SLC13A3: variants seen among roughly 807,000 people sequenced by gnomAD.
The protein encoded by SLC13A3 is Na(+)/dicarboxylate cotransporter 3.
Under a neutral mutation model 59.0 loss-of-function variants are expected in SLC13A3, and 40 were observed. That is an observed-to-expected ratio of 0.68 (90% CI 0.53 to 0.88). The LOEUF (loss-of-function observed/expected upper bound fraction) is 0.88. Ranked by LOEUF, SLC13A3 falls within the 40% of genes least tolerant of loss-of-function variation. SLC13A3 has a pLI of 0.00. For synonymous variants in SLC13A3, 317 were observed against 330.3 expected (o/e 0.96, Z 0.44); for missense variants, 699 against 783.2 (o/e 0.89, Z 1.28).
chr20:46,672,065 C>T (rs950326634), upstream of SLC13A3, among the ~76,000 whole-genome samples: 11 of 152,188 alleles, frequency 7.2e-5, no homozygotes, highest in Non-Finnish European at 1.6e-4. Context: ...GAATTATGGC[C>T]AGTTCCCAGT....
chr20:46,575,933 C>T (rs981284866), intron 9 of SLC13A3, among the ~76,000 whole-genome samples: 1 of 152,184 alleles, frequency 6.6e-6, no homozygotes, highest in Non-Finnish European at 1.5e-5. Flanking sequence ...ACTCCACATG[C>T]AGGACATCAC....
At chr20:46,628,507 C>T (rs1301048372) in intron 1 of SLC13A3, among the ~76,000 whole-genome samples, 1 of 152,118 alleles carries the variant, frequency 6.6e-6, no homozygotes, top group African/African-American at 2.4e-5. Context: ...ACAGGTGCCA[C>T]AGGGAAGGAG....
chr20:46,635,741 G>A (rs1830565536), intron 1 of SLC13A3, among the ~76,000 whole-genome samples: 1 of 152,200 alleles, frequency 6.6e-6, no homozygotes, highest in South Asian at 2.1e-4. Flanking sequence ...CACAGAATGA[G>A]ATAGGAGGTC....
intron 1 of SLC13A3, among the ~76,000 whole-genome samples, chr20:46,667,988 G>A (rs943750484): frequency 3.3e-5 from 5 of 152,018 alleles, no homozygotes; most frequent in Non-Finnish European, 5.9e-5. Context: ...CATATAAGAC[G>A]GCAAATTTAG....
At chr20:46,583,692 CACGTG>C in intron 8 of SLC13A3, 23 bp from the exon 9 acceptor site, 1 of 1,613,806 alleles carries the variant, frequency 6.2e-7, no homozygotes, top group African/African-American at 1.3e-5. Flanking sequence ...GGCCCCAAAT[CACGTG>C]ACCATGGGCA....
intron 1 of SLC13A3, among the ~76,000 whole-genome samples, chr20:46,638,173 C>G (rs567902548): frequency 1.8e-4 from 28 of 152,332 alleles, no homozygotes; most frequent in African/African-American, 6.5e-4. Context: ...GTGAGGAGCC[C>G]ATACCTGCGG....
chr20:46,559,954 T>C lies in SLC13A3; in HGVS notation c.*68A>G. On this transcript the variant is annotated 3_prime_UTR_variant, in exon 13 of 13. Transcript: ENST00000279027. ...AGAATTATTTGATTGTTTTGTAGTG[T>C]CCTAGCAGCAGGTGATGGTGACAGC... is the stretch of plus-strand genomic sequence containing the variant. 2.7e-6 allele frequency: 4 copies of C among 1,457,074 alleles called. No individual in the cohort carries two copies. Among genetic ancestry groups the C allele is most frequent in the Non-Finnish European group, 3.8e-6 (4 of 1,046,658 alleles). 90.3% of individuals were successfully genotyped at this position (1,457,074 alleles called of 1,614,324 possible). A position where few individuals can be genotyped will look rare whatever the true frequency, so the allele number is the denominator to read the frequency against.
rs2062161131 is a variant in SLC13A3, at chr20:46,583,614, G to C, written c.1177C>G (p.Pro393Ala). Residue 393 changes from proline to alanine, a missense_variant, in exon 9 of 13, where the codon CCG becomes GCG. Coordinates refer to ENST00000279027, the MANE Select transcript of SLC13A3 (RefSeq NM_022829.6). ...VAIVTILFFF[P>A]SQRPSLKWWF... Reference sequence around the variant, plus strand: ...CACTTGAGAGAGGGCCTTTGGGACGGGAAGAAGAACAAGATGGTGACAATA... The same window carrying C: ...CACTTGAGAGAGGGCCTTTGGGACGCGAAGAAGAACAAGATGGTGACAATA... 1 of 1,613,678 alleles carries C rather than the reference G, an allele frequency of 6.2e-7. No individual in the cohort carries two copies.
At position 46,589,168 on chromosome 20, in the gene SLC13A3, C is replaced by G; in HGVS notation, c.1008G>C (p.Gly336=). The G allele has an allele frequency of 1.2e-6, 2 of 1,613,968 alleles. No homozygotes were observed. The highest frequency in any genetic ancestry group is 1.7e-6 in the Non-Finnish European group (2 of 1,179,854). Residue 336 remains glycine, a synonymous_variant, in exon 7 of 13, where the codon GGG becomes GGC. Transcript: ENST00000279027. Reference sequence around the variant, plus strand: ...CAAGGGCCCCCACATACTTGATGGGCCCCAGGTTCTGGTATTCTTCCCGAA... The same window carrying G: ...CAAGGGCCCCCACATACTTGATGGGGCCCAGGTTCTGGTATTCTTCCCGAA... ...AVIREEYQNL[G]PIKFAEQAVF... is the part of the protein sequence containing the mutation.
chr20:46,647,427 C>T (rs1277017747), intron 1 of SLC13A3, among the ~76,000 whole-genome samples: 8 of 152,148 alleles, frequency 5.3e-5, no homozygotes, highest in Non-Finnish European at 7.4e-5. Flanking sequence ...TAATAAGAGT[C>T]CCATCTGTGC....
At chr20:46,577,028 CCG>C in intron 9 of SLC13A3, among the ~76,000 whole-genome samples, 4 of 146,960 alleles carry the variant, frequency 2.7e-5, no homozygotes, top group Non-Finnish European at 4.5e-5. Flanking sequence ...TGTATGCAGC[CCG>C]CAGGTGTATG....
At chr20:46,656,486 T>C (rs1308739193) in intron 1 of SLC13A3, among the ~76,000 whole-genome samples, 1 of 127,922 alleles carries the variant, frequency 7.8e-6, no homozygotes, top group Non-Finnish European at 1.6e-5. Context: ...TATTATACTG[T>C]ATATGATATA....
At chr20:46,637,714 G>T (rs574824734) in intron 1 of SLC13A3, among the ~76,000 whole-genome samples, 1 of 152,140 alleles carries the variant, frequency 6.6e-6, no homozygotes, top group Non-Finnish European at 1.5e-5. Flanking sequence ...AGTTAGGCCC[G>T]ATCAGTATTT....
rs1450834813 is a variant in SLC13A3 at position 46,682,385 on chromosome 20, C to G, written c.-31+2011G>C. 3.9e-5 allele frequency: 6 copies of G among 152,368 alleles called. No homozygotes were observed. In the East Asian group the frequency reaches 9.6e-4, roughly 24 times the overall value. The allele number at this position is 152,368 out of a possible 1,614,324, so 9.4% of individuals were successfully genotyped here. On this transcript the variant is annotated intron_variant, in intron 1 of 6. Transcript: ENST00000372121. ...TGGTGTGGGCGTGGTCAGCTCAGCT[C>G]ATCCAACAATAAGAACACAGCTTGT...
chr20:46,677,369 C>G lies in SLC13A3; in HGVS notation c.-31+7027G>C, dbSNP rs1378658715. On this transcript the variant is annotated intron_variant, in intron 1 of 6. Transcript: ENST00000372121. The stretch of plus-strand genomic sequence containing the variant: ...ATCCCCCTAGAAGTCCCCAGAAGCC[C>G]CCTCCAAATCACTGCCCCTCCCCCA... 2.6e-5 allele frequency among the ~76,000 whole-genome samples: 4 copies of G among 152,150 alleles called. No homozygotes were observed. The East Asian group carries it at 7.7e-4, about 29-fold the overall frequency.
intron 2 of SLC13A3, among the ~76,000 whole-genome samples, chr20:46,611,091 G>T (rs1367665196): frequency 1.3e-5 from 2 of 151,906 alleles, no homozygotes; most frequent in African/African-American, 2.4e-5. Flanking sequence ...TAAGTATCAG[G>T]ATTTTTTCTC....
chr20:46,585,674 T>G, intron 8 of SLC13A3: 1 of 1,294,638 alleles, frequency 7.7e-7, no homozygotes, highest in Non-Finnish European at 1.0e-6. Flanking sequence ...ATATCAGAAT[T>G]AGAGACTGAG....
chr20:46,657,233 G>C lies in SLC13A3; in HGVS notation c.-31+12810C>G, dbSNP rs187544898. On this transcript the variant is annotated intron_variant, in intron 1 of 12. Transcript: ENST00000290317. ...GGCTTCTACCTCCAGGAAGTAGCTG[G>C]GTGTGATGGCATGCTTGTAATCCCA... Among the ~76,000 whole-genome samples, 147 of 152,130 alleles carry C rather than the reference G, an allele frequency of 9.7e-4. 1 individual carries two copies. The highest frequency in any genetic ancestry group is 3.5e-3 in the African/African-American group (144 of 41,518).
At chr20:46,642,151 C>T (rs2062851574) in intron 1 of SLC13A3, among the ~76,000 whole-genome samples, 1 of 152,216 alleles carries the variant, frequency 6.6e-6, no homozygotes, top group Non-Finnish European at 1.5e-5. Context: ...CTTCTAGGGC[C>T]ATCTGAGTAT....
Sources: gnomAD v4.1 joint callset for allele counts (sites outside exome capture counted in the v4.1 genomes callset) on GRCh38, gnomAD v4.1.1 for gene constraint, MANE v1.5 for transcripts, NCBI Gene and HGNC (gene_info 2026-07-23, HGNC 2026-07-21) for gene names.